Variants in SYT14 observed in about 807,000 individuals in gnomAD.
The protein encoded by SYT14 is synaptotagmin 14.
A neutral mutation model predicts 74.2 loss-of-function variants in SYT14; 32 were observed. The observed-to-expected ratio is 0.43, with a 90% confidence interval of 0.33 to 0.58. The LOEUF is 0.58. SYT14 is among the 20% of genes least tolerant of loss of function. The pLI is 0.05. For missense variants in SYT14, 791 were observed against 981.8 expected (o/e 0.81, Z 2.60); for synonymous variants, 298 against 337.7 (o/e 0.88, Z 1.29).
At chr1:210,139,349 A>T (rs912399074) in intron 7 of SYT14, among the ~76,000 whole-genome samples, 6 of 136,424 alleles carry the variant, frequency 4.4e-5, no homozygotes, top group African/African-American at 1.4e-4. Flanking sequence ...TCCTGCTAGG[A>T]TTACAGGTGT....
chr1:210,121,557 G>A (rs2082462051), intron 7 of SYT14, among the ~76,000 whole-genome samples: 1 of 152,148 alleles, frequency 6.6e-6, no homozygotes. Context: ...CACTTTGGGA[G>A]GCCAAGGTGG....
chr1:210,011,311 C>A (rs1572154537), intron 2 of SYT14, among the ~76,000 whole-genome samples: 1 of 152,184 alleles, frequency 6.6e-6, no homozygotes, highest in East Asian at 1.9e-4. Flanking sequence ...TTGATACATA[C>A]CACTGTTTTA....
At chr1:210,016,183 C>T in exon 4 of SYT14, 1 of 1,232,090 alleles carries the variant, frequency 8.1e-7, no homozygotes, top group Non-Finnish European at 1.0e-6. Context: ...AAGAGGAAAG[C>T]TCTGTAGCAG....
At chr1:210,079,647 C>T (rs1283083811) in intron 5 of SYT14, among the ~76,000 whole-genome samples, 4 of 152,056 alleles carry the variant, frequency 2.6e-5, no homozygotes, top group Non-Finnish European at 5.9e-5. Flanking sequence ...GACTTGCTTT[C>T]CTGCCAGAAA....
At chr1:210,041,298 G>A (rs1437746879) in intron 5 of SYT14, among the ~76,000 whole-genome samples, 1 of 152,182 alleles carries the variant, frequency 6.6e-6, no homozygotes, top group African/African-American at 2.4e-5. Context: ...TGTTCAGCAG[G>A]AGGGACTTAT....
intron 5 of SYT14, among the ~76,000 whole-genome samples, chr1:210,065,170 G>T (rs1431278220): frequency 6.6e-6 from 1 of 151,940 alleles, no homozygotes; most frequent in African/African-American, 2.4e-5. Context: ...TCTTTTCTTG[G>T]TAGTGTGCTT....
intron 7 of SYT14, among the ~76,000 whole-genome samples, chr1:210,134,845 G>A (rs1489924277): frequency 6.6e-6 from 1 of 152,132 alleles, no homozygotes; most frequent in African/African-American, 2.4e-5. Context: ...GGAACCTTTT[G>A]CCAGTACTTC....
intron 7 of SYT14, among the ~76,000 whole-genome samples, chr1:210,128,419 G>A (rs1247502646): frequency 6.6e-6 from 1 of 151,456 alleles, no homozygotes; most frequent in African/African-American, 2.4e-5. Context: ...CTCTTCACTA[G>A]TAAACAGCTA....
At chr1:209,948,144 G>A (rs759051195) in intron 1 of SYT14, among the ~76,000 whole-genome samples, 1 of 152,138 alleles carries the variant, frequency 6.6e-6, no homozygotes, top group Non-Finnish European at 1.5e-5. Flanking sequence ...CAGTGGTTGG[G>A]AGTCAAACCT....
chr1:210,140,205 G>GACT (rs2082885985), intron 7 of SYT14, among the ~76,000 whole-genome samples: 1 of 152,104 alleles, frequency 6.6e-6, no homozygotes, highest in Non-Finnish European at 1.5e-5. Flanking sequence ...TTTCCCTAAT[G>GACT]ACTAATGATG....
chr1:210,087,795 G>A (rs2081767331), intron 5 of SYT14, among the ~76,000 whole-genome samples: 1 of 152,150 alleles, frequency 6.6e-6, no homozygotes, highest in Non-Finnish European at 1.5e-5. Context: ...ACACTGGGCT[G>A]GACATCTTCC....
At chr1:210,043,647 G>A (rs2080834822) in intron 5 of SYT14, among the ~76,000 whole-genome samples, 2 of 152,154 alleles carry the variant, frequency 1.3e-5, no homozygotes, top group South Asian at 4.1e-4. Flanking sequence ...ATCCAGGATA[G>A]ATTTCTGGGT....
At chr1:210,024,914 C>T (rs1027517469) in intron 5 of SYT14, among the ~76,000 whole-genome samples, 1 of 150,860 alleles carries the variant, frequency 6.6e-6, no homozygotes, top group Non-Finnish European at 1.5e-5. Flanking sequence ...CAGATAAACC[C>T]CTTTGTCCAG....
chr1:209,990,549 G>GTATATATATACGTATATATATGTATA (rs2079656530), intron 2 of SYT14, among the ~76,000 whole-genome samples: 2 of 56,892 alleles, frequency 3.5e-5, no homozygotes, highest in Admixed American at 2.7e-4. Flanking sequence ...GTATATATAT[G>GTATATATATACGTATATATATGTATA]TATATATATA....
rs1008958487 is a variant in SYT14 at position 210,122,270 on chromosome 1, G to A, written c.2034+21809G>A. On this transcript the variant is annotated intron_variant, in intron 7 of 9. Transcript: ENST00000637265. ...TGGGATTACAGGCGTGAGCCACCGC[G>A]CCCGGCCCAAATCCTGAAACTTTTA... Among the ~76,000 whole-genome samples, 6 of 18,704 alleles carry A rather than the reference G, an allele frequency of 3.2e-4. 2 individuals carry two copies. The highest frequency in any genetic ancestry group is 5.1e-4 in the Non-Finnish European group (6 of 11,700). The allele number at this position is 18,704 out of a possible 152,430, so 12.3% of individuals were successfully genotyped here.
intron 2 of SYT14, among the ~76,000 whole-genome samples, chr1:210,003,925 C>G (rs1203576143): frequency 6.6e-6 from 1 of 151,688 alleles, no homozygotes; most frequent in African/African-American, 2.4e-5. Context: ...TTGTTTTATT[C>G]TGCTTTTTAA....
chr1:209,987,471 A>G (rs1474013720), intron 2 of SYT14, among the ~76,000 whole-genome samples: 1 of 152,220 alleles, frequency 6.6e-6, no homozygotes, highest in Non-Finnish European at 1.5e-5. Context: ...AACAGGAGCA[A>G]GAGAGAATGT....
chr1:210,074,053 T>G (rs2081444342), intron 5 of SYT14, among the ~76,000 whole-genome samples: 1 of 152,136 alleles, frequency 6.6e-6, no homozygotes, highest in Admixed American at 6.5e-5. Flanking sequence ...AAAACAAATT[T>G]AGAAGTTCCA....
At chr1:210,092,160 GT>G (rs547763518) in intron 5 of SYT14, among the ~76,000 whole-genome samples, 71 of 151,948 alleles carry the variant, frequency 4.7e-4, no homozygotes, top group East Asian at 7.7e-4. Context: ...AACTATTATA[GT>G]TTTTTTTCTT....
Sources: gnomAD v4.1 joint callset for allele counts (sites outside exome capture counted in the v4.1 genomes callset) on GRCh38, gnomAD v4.1.1 for gene constraint, MANE v1.5 for transcripts, NCBI Gene and HGNC (gene_info 2026-07-23, HGNC 2026-07-21) for gene names.